Variants in CRACR2A observed in about 807,000 individuals in gnomAD.
CRACR2A encodes the protein EF-hand calcium-binding domain-containing protein 4B.
In CRACR2A, 79 loss-of-function variants were observed where a neutral mutation model predicts 90.5. That is an observed-to-expected ratio of 0.87 (90% CI 0.73 to 1.05). The LOEUF (loss-of-function observed/expected upper bound fraction) is 1.05. Ranked by LOEUF, CRACR2A falls within the 50% of genes least tolerant of loss-of-function variation. The probability of loss-of-function intolerance (pLI) is 0.00; values close to 1 mark genes in which losing one functional copy is unlikely to be tolerated. For missense variants in CRACR2A, 823 were observed against 897.2 expected (o/e 0.92, Z 1.06); for synonymous variants, 338 against 356.7 (o/e 0.95, Z 0.59).
chr12:3,708,201 C>A (rs1945956778), intron 3 of CRACR2A, among the ~76,000 whole-genome samples: 1 of 152,168 alleles, frequency 6.6e-6, no homozygotes, highest in African/African-American at 2.4e-5. Context: ...GTTTCCCCCA[C>A]CCCTCTAAAG....
intron 7 of CRACR2A, among the ~76,000 whole-genome samples, chr12:3,666,371 GCGCGCGCA>G (rs753691768): frequency 1.3e-5 from 2 of 151,866 alleles, no homozygotes; most frequent in East Asian, 1.9e-4. Flanking sequence ...GTGTGCGCGT[GCGCGCGCA>G]CGCGCGCACA....
intron 17 of CRACR2A, among the ~76,000 whole-genome samples, chr12:3,621,644 C>T (rs1438670867): frequency 4.9e-5 from 1 of 20,474 alleles, no homozygotes; most frequent in Non-Finnish European, 6.9e-5. Flanking sequence ...GAGAGAGACT[C>T]TGTCAAAAAA....
chr12:3,649,655 T>C (rs1944759322), intron 10 of CRACR2A, among the ~76,000 whole-genome samples: 1 of 152,134 alleles, frequency 6.6e-6, no homozygotes, highest in Non-Finnish European at 1.5e-5. Context: ...TCAGGGCAAC[T>C]AGAGGGCAAC....
intron 1 of CRACR2A, among the ~76,000 whole-genome samples, chr12:3,739,313 C>A (rs1351935631): frequency 3.3e-5 from 5 of 152,198 alleles, no homozygotes; most frequent in Non-Finnish European, 7.3e-5. Flanking sequence ...TTGATTTCTT[C>A]ATCTTAAAAA....
chr12:3,679,102 G>C lies in CRACR2A; in HGVS notation c.341-4C>G. On this transcript the variant is annotated splice_polypyrimidine_tract_variant and splice_region_variant and intron_variant, in intron 5 of 19. Coordinates refer to ENST00000440314, the MANE Select transcript of CRACR2A (RefSeq NM_001144958.2). ...TTCTGGCTGAAGAAGAAGTGACCTG[G>C]GGGGTGCAGGGCACAAGGATCCGAA... is the stretch of plus-strand genomic sequence containing the variant. The C allele has an allele frequency of 1.9e-6, 3 of 1,610,514 alleles. No homozygotes were observed. Among genetic ancestry groups the C allele is most frequent in the Non-Finnish European group, 2.5e-6 (3 of 1,178,448 alleles).
rs961793586 is a variant in CRACR2A at position 3,627,616 on chromosome 12, G to C, written c.1817+9C>G. ...CCTCTGGAGCCCAGAACTTCGGGCAGCTCCTCACCTCTCCTGCCCAGCCGT... is the reference window on the plus strand; with the variant it reads ...CCTCTGGAGCCCAGAACTTCGGGCACCTCCTCACCTCTCCTGCCCAGCCGT... On this transcript the variant is annotated intron_variant, in intron 16 of 19. Coordinates refer to ENST00000440314, the MANE Select transcript of CRACR2A (RefSeq NM_001144958.2). 7 of 1,551,558 alleles carry C rather than the reference G, an allele frequency of 4.5e-6. No homozygotes were observed. The African/African-American group carries it at 9.6e-5, about 21-fold the overall frequency.
At chr12:3,641,449 C>G (rs1944568786) in intron 13 of CRACR2A, among the ~76,000 whole-genome samples, 3 of 152,216 alleles carry the variant, frequency 2.0e-5, no homozygotes, top group African/African-American at 7.2e-5. Context: ...TCCCTTGACC[C>G]CTCTCCTCTG....
intron 17 of CRACR2A, 125 bp downstream of exon 17, chr12:3,627,311 G>T: frequency 1.4e-6 from 1 of 707,442 alleles, no homozygotes. Context: ...GCATCAGTTT[G>T]TTCCTGGAAA....
chr12:3,721,520 G>A (rs1428765787), intron 2 of CRACR2A, among the ~76,000 whole-genome samples: 1 of 150,522 alleles, frequency 6.6e-6, no homozygotes, highest in Non-Finnish European at 1.5e-5. Flanking sequence ...GTTTGAGGTT[G>A]CAGTAAGTGA....
chr12:3,639,598 C>T (rs1383693204), intron 13 of CRACR2A, among the ~76,000 whole-genome samples: 5 of 152,010 alleles, frequency 3.3e-5, no homozygotes, highest in Non-Finnish European at 7.4e-5. Context: ...CAGAGAAATA[C>T]ACTTTCTTTT....
chr12:3,735,051 G>C (rs1263764054), intron 1 of CRACR2A, among the ~76,000 whole-genome samples: 1 of 150,732 alleles, frequency 6.6e-6, no homozygotes, highest in African/African-American at 2.5e-5. Flanking sequence ...ACTAGGTGGG[G>C]TGATGAATGT....
At position 3,711,032 on chromosome 12, in the gene CRACR2A, C is replaced by T. The variant is rs1042176777; in HGVS notation, c.-37+2205G>A. Among the ~76,000 whole-genome samples the T allele has an allele frequency of 2.0e-5, 3 of 152,122 alleles. No individual in the cohort carries two copies. Among genetic ancestry groups the T allele is most frequent in the Non-Finnish European group, 4.4e-5 (3 of 68,026 alleles). ...CATGCAAAATACACTCGTTCCATTCCAACAGCCTCAAAAGTCTCAACTCGT... is the reference window on the plus strand; with the variant it reads ...CATGCAAAATACACTCGTTCCATTCTAACAGCCTCAAAAGTCTCAACTCGT... On this transcript the variant is annotated intron_variant, in intron 3 of 19. Transcript: ENST00000440314. The surrounding 1 kb of genome is among the most constrained non-coding windows in gnomAD (Gnocchi z 4.3).
At chr12:3,745,802 A>AAAT (rs1565511367) in intron 1 of CRACR2A, among the ~76,000 whole-genome samples, 2 of 4,390 alleles carry the variant, frequency 4.6e-4, no homozygotes, top group African/African-American at 1.1e-3. Flanking sequence ...AAATAAAATA[A>AAAT]AATAAAATAA....
rs1555121368 is a variant in CRACR2A, at chr12:3,733,970, C to CTTTTTTTTT, written c.-386-761_-386-760insAAAAAAAAA. On this transcript the variant is annotated intron_variant, in intron 1 of 19. Transcript: ENST00000440314. ...TTTTCCTAGACTGGACACATTTTGCCTTATTTTTTTTTTTTTTTGAGATGG... is the reference window on the plus strand; with the variant it reads ...TTTTCCTAGACTGGACACATTTTGCCTTTTTTTTTTTATTTTTTTTTTTTTTTGAGATGG... 2.0e-3 allele frequency among the ~76,000 whole-genome samples: 111 copies of CTTTTTTTTT among 55,578 alleles called. 1 individual carries two copies. Among genetic ancestry groups the CTTTTTTTTT allele is most frequent in the Non-Finnish European group, 3.4e-3 (74 of 21,654 alleles). 36.5% of individuals were successfully genotyped at this position (55,578 alleles called of 152,430 possible).
At chr12:3,655,545 C>G (rs1473187783) in intron 9 of CRACR2A, among the ~76,000 whole-genome samples, 1 of 152,204 alleles carries the variant, frequency 6.6e-6, no homozygotes, top group East Asian at 1.9e-4. Context: ...CTTCCAGCAC[C>G]AGGCACAACA....
At chr12:3,704,051 C>G (rs934573032) in intron 3 of CRACR2A, among the ~76,000 whole-genome samples, 2 of 152,172 alleles carry the variant, frequency 1.3e-5, no homozygotes, top group Admixed American at 6.5e-5. Context: ...TTTAATCCAG[C>G]CATCCTAGTC....
At chr12:3,733,973 AT>A (rs1166347439) in intron 1 of CRACR2A, among the ~76,000 whole-genome samples, 1,875 of 99,754 alleles carry the variant, frequency 0.019, 128 homozygotes, top group African/African-American at 0.063. Flanking sequence ...ATTTTGCCTT[AT>A]TTTTTTTTTT....
intron 7 of CRACR2A, among the ~76,000 whole-genome samples, chr12:3,666,380 C>T (rs889167672): frequency 2.2e-4 from 32 of 144,944 alleles, no homozygotes; most frequent in East Asian, 3.9e-4. Flanking sequence ...TGCGCGCGCA[C>T]GCGCGCACAC....
chr12:3,674,069 C>A (rs894084694), intron 6 of CRACR2A, among the ~76,000 whole-genome samples: 1 of 152,140 alleles, frequency 6.6e-6, no homozygotes, highest in Non-Finnish European at 1.5e-5. Flanking sequence ...GAGCCCAGTG[C>A]GTTTAAGGAC....
Sources: allele counts gnomAD v4.1 joint callset (sites outside exome capture counted in the v4.1 genomes callset), GRCh38; gene constraint gnomAD v4.1.1; non-coding constraint Gnocchi (gnomAD v3.1); transcripts MANE v1.5; gene names NCBI Gene and HGNC (gene_info 2026-07-23, HGNC 2026-07-21).